Variants in MTF1 observed in about 807,000 individuals in gnomAD.
MTF1 encodes the protein metal regulatory transcription factor 1, also known as MRE-binding transcription factor.
A neutral mutation model predicts 70.4 loss-of-function variants in MTF1; 22 were observed. The observed-to-expected ratio is 0.31, with a 90% confidence interval of 0.22 to 0.45. The LOEUF (loss-of-function observed/expected upper bound fraction) is 0.45, where lower values mean the gene tolerates loss of function less well. MTF1 is among the 20% of genes least tolerant of loss of function. MTF1 has a pLI of 1.00. For missense variants in MTF1, 649 were observed against 922.0 expected (o/e 0.70, Z 3.83); for synonymous variants, 333 against 352.8 (o/e 0.94, Z 0.63).
Position 37,822,517 on chromosome 1 carries a change from T to C in MTF1, c.1371A>G (p.Ala457=), listed in dbSNP as rs764287364. The change falls in exon 9 of 11, where the codon GCA becomes GCG. Residue 457 remains alanine, a synonymous_variant. Coordinates refer to ENST00000373036, the MANE Select transcript of MTF1 (RefSeq NM_005955.3). ...PSLGPGSQQA[A]FGNPPALLQP... ...GTAAGAGAGCAGGGGGGTTGCCAAATGCAGCTTGCTGGGAGCCAGGTCCTA... is the reference window on the plus strand; with the variant it reads ...GTAAGAGAGCAGGGGGGTTGCCAAACGCAGCTTGCTGGGAGCCAGGTCCTA... 4 of 1,613,942 alleles carry C rather than the reference T, an allele frequency of 2.5e-6. No homozygotes were observed. The highest frequency in any genetic ancestry group is 3.4e-6 in the Non-Finnish European group (4 of 1,180,018).
chr1:37,832,357 A>C (rs1641100283), intron 6 of MTF1, 35 bp from the exon 7 acceptor site: 1 of 1,437,700 alleles, frequency 7.0e-7, no homozygotes, highest in African/African-American at 1.4e-5. Context: ...TGAGTAACAA[A>C]AATCAGGATT....
At chr1:37,859,186 A>T (rs1641556063) in intron 1 of MTF1, among the ~76,000 whole-genome samples, 2 of 152,216 alleles carry the variant, frequency 1.3e-5, no homozygotes, top group Non-Finnish European at 2.9e-5. Context: ...CGAAACAAAC[A>T]AGACCAGGAG....
At chr1:37,825,231 A>C (rs1222583608) in intron 7 of MTF1, among the ~76,000 whole-genome samples, 1 of 151,904 alleles carries the variant, frequency 6.6e-6, no homozygotes. Context: ...CAAGTGGCAA[A>C]ATTTTGACTT....
At chr1:37,816,500 C>T (rs1188403913) in intron 10 of MTF1, among the ~76,000 whole-genome samples, 3 of 151,978 alleles carry the variant, frequency 2.0e-5, no homozygotes, top group East Asian at 3.9e-4. Flanking sequence ...CATGGTGAAA[C>T]CTTGTCTCTA....
chr1:37,815,681 G>A lies in MTF1; in HGVS notation c.1832-115C>T. ...GTGCCATGGGAACCATGGGAAGGAT[G>A]GTTGCCACACTTCGGGCTTCGTTCT... On this transcript the variant is annotated intron_variant, in intron 10 of 10. Transcript: ENST00000373036. The surrounding 1 kb of genome is among the most constrained non-coding windows in gnomAD (Gnocchi z 4.5). 1.3e-6 allele frequency: 1 copy of A among 783,078 alleles called. No individual in the cohort carries two copies. The highest frequency in any genetic ancestry group is 2.0e-6 in the Non-Finnish European group (1 of 502,848). 48.5% of individuals were successfully genotyped at this position (783,078 alleles called of 1,614,324 possible). A position where few individuals can be genotyped will look rare whatever the true frequency, so the allele number is the denominator to read the frequency against.
chr1:37,840,196 T>C lies in MTF1; in HGVS notation c.409-38A>G, dbSNP rs1641235016. The C allele has an allele frequency of 4.4e-6, 7 of 1,595,280 alleles. No homozygotes were observed. The East Asian group carries it at 8.9e-5, about 20-fold the overall frequency. On this transcript the variant is annotated intron_variant, in intron 2 of 10. Transcript: ENST00000373036. The surrounding 1 kb of genome is among the most constrained non-coding windows in gnomAD (Gnocchi z 4.5). ...AGATACCTCATCAACAGGACAAAAA[T>C]GCTGCCCAGGGCTTAACTCCCCCAC...
chr1:37,815,505 T>A lies in MTF1; in HGVS notation c.1893A>T (p.Ala631=). ...CCCGGCATGCACACTGACACTGACA[T>A]GCCTCTTCTTGTTTGATGATGATCA... ...VPVIIIKQEE[A]CQCQCACRDS... The change falls in exon 11 of 11, where the codon GCA becomes GCT. Residue 631 remains alanine (A), a synonymous_variant. Coordinates refer to ENST00000373036, the MANE Select transcript of MTF1 (RefSeq NM_005955.3). This position sits in a 1 kb window ranked among gnomAD's most constrained non-coding sequence, Gnocchi z 4.5. The A allele has an allele frequency of 1.3e-6, 2 of 1,554,840 alleles. No homozygotes were observed. The highest frequency in any genetic ancestry group is 8.7e-7 in the Non-Finnish European group (1 of 1,152,448).
chr1:37,814,955 C>T lies in MTF1; in HGVS notation c.*181G>A. ...GTTTTTTTTGTTTTTTGTTTTTTTC[C>T]AAAGAATAGTTCCTTAAAATGGATG... On this transcript the variant is annotated 3_prime_UTR_variant, in exon 11 of 11. Transcript: ENST00000373036. The T allele has an allele frequency of 1.7e-6, 1 of 571,464 alleles. No individual in the cohort carries two copies. 35.4% of individuals were successfully genotyped at this position (571,464 alleles called of 1,614,324 possible).
intron 2 of MTF1, among the ~76,000 whole-genome samples, chr1:37,854,617 C>T (rs1431998901): frequency 6.6e-6 from 1 of 152,208 alleles, no homozygotes; most frequent in Non-Finnish European, 1.5e-5. Context: ...CTAGAAATTT[C>T]CAACTATAAG....
rs1197722121 is a variant in MTF1 at position 37,812,641 on chromosome 1, G to C, written c.*2495C>G. The C allele has an allele frequency of 6.6e-6, 1 of 152,142 alleles. No individual in the cohort carries two copies. Among genetic ancestry groups the C allele is most frequent in the East Asian group, 1.9e-4 (1 of 5,184 alleles). 9.4% of individuals were successfully genotyped at this position (152,142 alleles called of 1,614,324 possible). ...AAGAAGAGTCGCTATTTAAACTGTG[G>C]GTGCTTCAGATGTCCTTCCCTGGGC... On this transcript the variant is annotated 3_prime_UTR_variant, in exon 11 of 11. Coordinates refer to ENST00000373036, the MANE Select transcript of MTF1 (RefSeq NM_005955.3).
Position 37,840,219 on chromosome 1 carries a change from C to A in MTF1, c.409-61G>T. The A allele has an allele frequency of 2.1e-6, 3 of 1,459,778 alleles. No individual in the cohort carries two copies. Among genetic ancestry groups the A allele is most frequent in the Non-Finnish European group, 2.9e-6 (3 of 1,044,332 alleles). The allele number at this position is 1,459,778 out of a possible 1,614,324, so 90.4% of individuals were successfully genotyped here. A position where few individuals can be genotyped will look rare whatever the true frequency, so the allele number is the denominator to read the frequency against. The stretch of plus-strand genomic sequence containing the variant: ...AATGCTGCCCAGGGCTTAACTCCCC[C>A]ACCCAGAGCTCAGCTCCCAAGAGAT... On this transcript the variant is annotated intron_variant, in intron 2 of 10. Coordinates refer to ENST00000373036, the MANE Select transcript of MTF1 (RefSeq NM_005955.3). The surrounding 1 kb of genome is among the most constrained non-coding windows in gnomAD (Gnocchi z 4.5).
intron 2 of MTF1, among the ~76,000 whole-genome samples, chr1:37,854,162 C>T (rs983799632): frequency 2.0e-5 from 3 of 152,196 alleles, no homozygotes; most frequent in Admixed American, 6.5e-5. Context: ...CGTCTGCCAC[C>T]ACGCCCGGCT....
rs565647474 is a variant in MTF1, at chr1:37,832,084, T to C, written c.1068+161A>G. Among the ~76,000 whole-genome samples, 11 of 152,318 alleles carry C rather than the reference T, an allele frequency of 7.2e-5. No individual in the cohort carries two copies. In the East Asian group the frequency reaches 1.7e-3, roughly 24 times the overall value. On this transcript the variant is annotated intron_variant, in intron 7 of 10. Coordinates refer to ENST00000373036, the MANE Select transcript of MTF1 (RefSeq NM_005955.3). ...AGGCATCAGAGAGAACAGGCTCTAATAGAACTCTTATCAGAAGAAGAAAAA... is the reference window on the plus strand; with the variant it reads ...AGGCATCAGAGAGAACAGGCTCTAACAGAACTCTTATCAGAAGAAGAAAAA...
chr1:37,846,747 A>G (rs991572627), intron 2 of MTF1, among the ~76,000 whole-genome samples: 16 of 152,326 alleles, frequency 1.1e-4, no homozygotes, highest in African/African-American at 3.6e-4. Context: ...TAAAAAAATT[A>G]GAAAAAGAAA....
intron 9 of MTF1, among the ~76,000 whole-genome samples, chr1:37,818,024 A>G (rs1395913717): frequency 1.3e-5 from 2 of 152,242 alleles, no homozygotes; most frequent in East Asian, 3.8e-4. Context: ...CTTGGATTCA[A>G]GTCCAAGCTC....
intron 7 of MTF1, among the ~76,000 whole-genome samples, chr1:37,828,499 T>TTA (rs1356014205): frequency 6.6e-6 from 1 of 152,144 alleles, no homozygotes; most frequent in African/African-American, 2.4e-5. Flanking sequence ...GAGACGGAGT[T>TTA]TAGCCATGCT....
intron 7 of MTF1, among the ~76,000 whole-genome samples, chr1:37,825,317 G>T (rs903698596): frequency 2.6e-5 from 4 of 152,084 alleles, no homozygotes; most frequent in African/African-American, 9.7e-5. Flanking sequence ...GCTCCCCGCA[G>T]CCTTCAACTC....
intron 4 of MTF1, among the ~76,000 whole-genome samples, chr1:37,836,213 G>A (rs1053171817): frequency 1.3e-5 from 2 of 152,086 alleles, no homozygotes; most frequent in African/African-American, 4.8e-5. Flanking sequence ...AAGTAAGGTG[G>A]CATATCTGGG....
In MTF1 at chr1:37,817,485, G is replaced by GA; in HGVS notation, c.1768-4dup. ...TTCTCAACTTTAGATGCTTGCTGCTGAAAAAAGAAAAAGAAATCTCATTTA... is the reference window on the plus strand; with the variant it reads ...TTCTCAACTTTAGATGCTTGCTGCTGAAAAAAAGAAAAAGAAATCTCATTTA... On this transcript the variant is annotated splice_region_variant and splice_polypyrimidine_tract_variant and intron_variant, in intron 9 of 10. Transcript: ENST00000373036. 6.2e-7 allele frequency: 1 copy of GA among 1,607,358 alleles called. No individual in the cohort carries two copies. Among genetic ancestry groups the GA allele is most frequent in the Non-Finnish European group, 8.5e-7 (1 of 1,174,166 alleles).
Sources: gnomAD v4.1 joint callset for allele counts (sites outside exome capture counted in the v4.1 genomes callset) on GRCh38, gnomAD v4.1.1 for gene constraint, Gnocchi (gnomAD v3.1) non-coding constraint, MANE v1.5 for transcripts, NCBI Gene and HGNC (gene_info 2026-07-23, HGNC 2026-07-21) for gene names.